The following CACHD1 variants were observed in gnomAD, a reference collection of about 807,000 sequenced individuals.
CACHD1 encodes the protein VWFA and cache domain-containing protein 1.
A neutral mutation model predicts 138.7 loss-of-function variants in CACHD1; 71 were observed. That is an observed-to-expected ratio of 0.51 (90% confidence interval 0.42 to 0.62). CACHD1 has a LOEUF of 0.62. Among genes scored for constraint, CACHD1 ranks in the 20% least tolerant of loss-of-function variants. The pLI is 0.00. For missense variants in CACHD1, 1,389 were observed against 1,625.3 expected (o/e 0.85, Z 2.50); for synonymous variants, 578 against 591.5 (o/e 0.98, Z 0.33).
At chr1:64,549,501 C>T (rs1157539853) in intron 1 of CACHD1, among the ~76,000 whole-genome samples, 1 of 152,134 alleles carries the variant, frequency 6.6e-6, no homozygotes, top group Non-Finnish European at 1.5e-5. Context: ...TCCTGCACTC[C>T]ACCCCCCGAC....
chr1:64,621,530 G>A (rs1029100526), intron 4 of CACHD1, among the ~76,000 whole-genome samples: 1 of 152,160 alleles, frequency 6.6e-6, no homozygotes, highest in African/African-American at 2.4e-5. Context: ...GAATACACAG[G>A]ACGTTACCAG....
At chr1:64,477,586 T>TTATTATTAC (rs1329469612) in intron 1 of CACHD1, among the ~76,000 whole-genome samples, 59 of 34,282 alleles carry the variant, frequency 1.7e-3, no homozygotes, top group African/African-American at 3.7e-3. Context: ...TCCCCCCAGA[T>TTATTATTAC]TATTATTATT....
chr1:64,663,555 A>G, intron 13 of CACHD1, 140 bp from the exon 14 acceptor site: 1 of 1,157,690 alleles, frequency 8.6e-7, no homozygotes, highest in Non-Finnish European at 1.2e-6. Flanking sequence ...CATCTGAAAA[A>G]AAAAAAAAAA....
At chr1:64,665,638 C>T (rs531579729) in intron 15 of CACHD1, among the ~76,000 whole-genome samples, 40 of 152,262 alleles carry the variant, frequency 2.6e-4, no homozygotes, top group African/African-American at 4.8e-5. Flanking sequence ...TTCAGTGTAA[C>T]ACAAACAAAA....
At chr1:64,553,895 G>C (rs1409948962) in intron 2 of CACHD1, among the ~76,000 whole-genome samples, 2 of 152,102 alleles carry the variant, frequency 1.3e-5, no homozygotes, top group African/African-American at 2.4e-5. Flanking sequence ...GTTTCACTCA[G>C]CTTCATATTC....
chr1:64,537,825 A>G (rs1646645718), intron 1 of CACHD1, among the ~76,000 whole-genome samples: 1 of 152,170 alleles, frequency 6.6e-6, no homozygotes, highest in Non-Finnish European at 1.5e-5. Context: ...AGCTATTATC[A>G]CCTACATTTT....
At chr1:64,611,386 C>T (rs1311865099) in intron 4 of CACHD1, among the ~76,000 whole-genome samples, 3 of 152,162 alleles carry the variant, frequency 2.0e-5, no homozygotes, top group Non-Finnish European at 2.9e-5. Flanking sequence ...TGCTCTGCTT[C>T]CCTTTTAAAT....
chr1:64,597,354 C>T (rs918717935), intron 3 of CACHD1, among the ~76,000 whole-genome samples: 19 of 151,966 alleles, frequency 1.3e-4, no homozygotes, highest in Non-Finnish European at 2.6e-4. Context: ...AAGCAGTTTG[C>T]ACATCAGAGC....
At chr1:64,596,660 C>A (rs1221321652) in intron 3 of CACHD1, among the ~76,000 whole-genome samples, 1 of 152,188 alleles carries the variant, frequency 6.6e-6, no homozygotes, top group African/African-American at 2.4e-5. Context: ...AGCATTTCTT[C>A]CATACCCACT....
At chr1:64,625,686 A>G (rs1259245388) in intron 4 of CACHD1, among the ~76,000 whole-genome samples, 2 of 152,104 alleles carry the variant, frequency 1.3e-5, no homozygotes, top group Non-Finnish European at 2.9e-5. Context: ...TATTCATGTG[A>G]TGATTACCCT....
In CACHD1 at chr1:64,677,080, A is replaced by T. The variant is rs192059272; in HGVS notation, c.3092+69A>T. On this transcript the variant is annotated intron_variant, in intron 22 of 26. Transcript: ENST00000651257. Reference sequence around the variant, plus strand: ...TTATTATTCCTACTCTTCGTGTTTTAAAAAGGTATGTCAGTTTTTCAGATC... The same window carrying T: ...TTATTATTCCTACTCTTCGTGTTTTTAAAAGGTATGTCAGTTTTTCAGATC... The T allele has an allele frequency of 2.4e-3, 3,035 of 1,249,014 alleles. 13 individuals carry two copies. The highest frequency in any genetic ancestry group is 9.8e-3 in the Middle Eastern group (51 of 5,188). The allele number at this position is 1,249,014 out of a possible 1,614,324, so 77.4% of individuals were successfully genotyped here.
chr1:64,630,656 G>A (rs529544121), intron 5 of CACHD1, among the ~76,000 whole-genome samples: 160 of 152,232 alleles, frequency 1.1e-3, no homozygotes, highest in African/African-American at 3.8e-3. Context: ...AGACTTGGGT[G>A]TCTTGGAGAC....
intron 2 of CACHD1, among the ~76,000 whole-genome samples, chr1:64,561,183 T>C (rs540381094): frequency 2.0e-4 from 30 of 152,008 alleles, no homozygotes; most frequent in Non-Finnish European, 3.7e-4. Flanking sequence ...TTTTTTTCAT[T>C]AGCTCCTCCT....
At chr1:64,601,055 G>A (rs545194993) in intron 3 of CACHD1, among the ~76,000 whole-genome samples, 2 of 152,126 alleles carry the variant, frequency 1.3e-5, no homozygotes, top group East Asian at 1.9e-4. Context: ...CTCTTGGATT[G>A]CCCTGGTCTA....
chr1:64,668,320 G>T (rs1649703874), intron 16 of CACHD1, among the ~76,000 whole-genome samples: 2 of 128,148 alleles, frequency 1.6e-5, no homozygotes, highest in South Asian at 5.0e-4. Flanking sequence ...GAGCAAGACT[G>T]CATCTCAAAA....
chr1:64,596,782 C>T (rs1416702002), intron 3 of CACHD1, among the ~76,000 whole-genome samples: 1 of 152,150 alleles, frequency 6.6e-6, no homozygotes, highest in Non-Finnish European at 1.5e-5. Flanking sequence ...AAAGAATATT[C>T]CCTACCCTAT....
chr1:64,681,541 G>GTGTTTTTTTTTTT (rs1650182277), intron 25 of CACHD1, among the ~76,000 whole-genome samples: 1 of 68,132 alleles, frequency 1.5e-5, no homozygotes, highest in African/African-American at 7.3e-5. Flanking sequence ...ATTTTATTGT[G>GTGTTTTTTTTTTT]TTTTTTTTTT....
At chr1:64,591,266 ATT>A (rs1209106537) in intron 3 of CACHD1, among the ~76,000 whole-genome samples, 1 of 152,334 alleles carries the variant, frequency 6.6e-6, no homozygotes, top group East Asian at 1.9e-4. Flanking sequence ...TCAGCTGGGT[ATT>A]TAAGCAGGAA....
chr1:64,606,106 AACAC>A (rs112089755), intron 4 of CACHD1, among the ~76,000 whole-genome samples: 15 of 148,830 alleles, frequency 1.0e-4, no homozygotes, highest in Non-Finnish European at 1.5e-4. Context: ...AGGAGCTGTA[AACAC>A]ACACACACAC....
Sources: gnomAD v4.1 joint callset for allele counts (sites outside exome capture counted in the v4.1 genomes callset) on GRCh38, gnomAD v4.1.1 for gene constraint, MANE v1.5 for transcripts, NCBI Gene and HGNC (gene_info 2026-07-23, HGNC 2026-07-21) for gene names.